Variants in APBB2 observed in about 807,000 individuals in gnomAD.
The protein encoded by APBB2 is amyloid beta precursor protein binding family B member 2.
A neutral mutation model predicts 82.5 loss-of-function variants in APBB2; 38 were observed. The observed-to-expected ratio is 0.46, with a 90% CI of 0.36 to 0.60. The LOEUF (loss-of-function observed/expected upper bound fraction) is 0.60. Ranked by LOEUF, APBB2 falls within the 20% of genes least tolerant of loss-of-function variation. The probability of loss-of-function intolerance (pLI) is 0.00; values close to 1 mark genes in which losing one functional copy is unlikely to be tolerated. For synonymous variants in APBB2, 341 were observed against 368.2 expected (o/e 0.93, Z 0.85); for missense variants, 772 against 972.3 (o/e 0.79, Z 2.74).
At chr4:41,113,971 A>G (rs1750090864) in intron 2 of APBB2, 1 of 152,328 alleles carries the variant, frequency 6.6e-6, no homozygotes, top group South Asian at 2.1e-4. Context: ...ATATACTACA[A>G]CTGGAACGAC....
chr4:40,982,293 G>GAAAGAAAGAAA (rs1798917086), intron 6 of APBB2, among the ~76,000 whole-genome samples: 1 of 32,350 alleles, frequency 3.1e-5, no homozygotes. Flanking sequence ...AAGGAAGGAA[G>GAAAGAAAGAAA]GAAGGAAGGA....
At chr4:40,971,653 G>A (rs1795952470) in intron 6 of APBB2, among the ~76,000 whole-genome samples, 1 of 150,720 alleles carries the variant, frequency 6.6e-6, no homozygotes, top group African/African-American at 2.4e-5. Context: ...TTTAGCAATA[G>A]AACTTAAGAG....
At chr4:40,982,221 G>GAAAA (rs766666523) in intron 6 of APBB2, among the ~76,000 whole-genome samples, 3,826 of 12,796 alleles carry the variant, frequency 0.3, 889 homozygotes, top group Non-Finnish European at 0.33. Flanking sequence ...AGAAAAGAAA[G>GAAAA]GAAAGAAAGA....
intron 6 of APBB2, among the ~76,000 whole-genome samples, chr4:40,963,168 G>T (rs1166213494): frequency 6.6e-6 from 1 of 152,062 alleles, no homozygotes; most frequent in Non-Finnish European, 1.5e-5. Flanking sequence ...GTTAATGATG[G>T]TCTTTCTGCT....
chr4:40,908,738 T>A (rs992391099), intron 10 of APBB2, among the ~76,000 whole-genome samples: 1 of 152,188 alleles, frequency 6.6e-6, no homozygotes, highest in African/African-American at 2.4e-5. Flanking sequence ...GCTCTACGTT[T>A]ATAGCTTTGG....
In APBB2 at chr4:40,832,008, TTA is replaced by T. The variant is rs140267757; in HGVS notation, c.1530-1433_1530-1432del. Among the ~76,000 whole-genome samples the T allele has an allele frequency of 3.4e-4, 25 of 73,624 alleles. No individual in the cohort carries two copies. Among genetic ancestry groups the T allele is most frequent in the Admixed American group, 1.0e-3 (8 of 7,704 alleles). 48.3% of individuals were successfully genotyped at this position (73,624 alleles called of 152,430 possible). A position where few individuals can be genotyped will look rare whatever the true frequency, so the allele number is the denominator to read the frequency against. ...CACACACACATATTTATATATTTAT[TTA>T]TATACACACACACACACACACACAC... On this transcript the variant is annotated intron_variant, in intron 12 of 17. Coordinates refer to ENST00000508593, the MANE Select transcript of APBB2 (RefSeq NM_004307.2). This position sits in a 1 kb window ranked among gnomAD's most constrained non-coding sequence, Gnocchi z 4.8.
At chr4:40,961,652 GAA>G (rs201763207) in intron 6 of APBB2, among the ~76,000 whole-genome samples, 1 of 42,692 alleles carries the variant, frequency 2.3e-5, no homozygotes, top group Admixed American at 2.7e-4. Context: ...AATAATGAAA[GAA>G]AAAAAAAAGA....
Position 41,183,858 on chromosome 4 carries a change from T to C in APBB2, c.-417+30547A>G, listed in dbSNP as rs572820381. 1.2e-3 allele frequency among the ~76,000 whole-genome samples: 187 copies of C among 152,230 alleles called. 5 individuals carry two copies. In the South Asian group the frequency reaches 0.036, roughly 30 times the overall value. ...GCAGGGGGTGGGAGGGGGCGGTTCA[T>C]GATGATTCAAGCGCACTACAGTTAT... is the stretch of plus-strand genomic sequence containing the variant. On this transcript the variant is annotated intron_variant, in intron 1 of 17. Coordinates refer to ENST00000508593, the MANE Select transcript of APBB2 (RefSeq NM_004307.2).
intron 5 of APBB2, among the ~76,000 whole-genome samples, chr4:41,014,742 C>T (rs1262896901): frequency 6.6e-6 from 1 of 152,176 alleles, no homozygotes; most frequent in Admixed American, 6.5e-5. Context: ...GAAAAATCAT[C>T]CCCTTTCCAA....
intron 15 of APBB2, among the ~76,000 whole-genome samples, chr4:40,824,515 T>C (rs1325928810): frequency 6.6e-6 from 1 of 152,064 alleles, no homozygotes; most frequent in Non-Finnish European, 1.5e-5. Context: ...TGAGACAGGG[T>C]GTTGCTCTGT....
At chr4:40,855,955 A>G (rs560219382) in intron 12 of APBB2, among the ~76,000 whole-genome samples, 18 of 152,332 alleles carry the variant, frequency 1.2e-4, no homozygotes, top group African/African-American at 3.8e-4. Flanking sequence ...AGGCCTCAGG[A>G]CACTTAATAA....
chr4:41,051,974 G>A (rs1726125153), intron 4 of APBB2, among the ~76,000 whole-genome samples: 1 of 152,198 alleles, frequency 6.6e-6, no homozygotes, highest in South Asian at 2.1e-4. Flanking sequence ...GAGAGTGTGT[G>A]TAAAGCACTC....
intron 6 of APBB2, among the ~76,000 whole-genome samples, chr4:40,979,827 G>C (rs1560438762): frequency 6.6e-6 from 1 of 152,180 alleles, no homozygotes; most frequent in East Asian, 1.9e-4. Context: ...CTGAGCTCTT[G>C]ATTTCAACCT....
At chr4:41,023,301 T>C (rs371462141) in intron 5 of APBB2, among the ~76,000 whole-genome samples, 10 of 152,230 alleles carry the variant, frequency 6.6e-5, no homozygotes, top group African/African-American at 1.7e-4. Flanking sequence ...AGTTGCAGAC[T>C]TCTATGATTA....
chr4:40,824,342 G>A (rs1292877703), intron 15 of APBB2, among the ~76,000 whole-genome samples: 2 of 152,248 alleles, frequency 1.3e-5, no homozygotes, highest in Non-Finnish European at 2.9e-5. Context: ...CATTGAGTAG[G>A]GCCCTTTTGC....
At chr4:40,932,247 A>G (rs1784388839) in intron 10 of APBB2, among the ~76,000 whole-genome samples, 2 of 152,252 alleles carry the variant, frequency 1.3e-5, no homozygotes, top group Admixed American at 6.5e-5. Flanking sequence ...TAGAATTTGT[A>G]AAACATCAAG....
At chr4:41,145,079 C>T (rs914363498) in intron 1 of APBB2, among the ~76,000 whole-genome samples, 1 of 152,212 alleles carries the variant, frequency 6.6e-6, no homozygotes, top group Non-Finnish European at 1.5e-5. Context: ...ATGTTCACGT[C>T]ACTATACTCC....
intron 1 of APBB2, among the ~76,000 whole-genome samples, chr4:41,143,940 G>A (rs576650123): frequency 6.6e-6 from 1 of 152,348 alleles, no homozygotes; most frequent in East Asian, 1.9e-4. Context: ...TTTAGCTAGA[G>A]GAATCAGGGC....
intron 3 of APBB2, among the ~76,000 whole-genome samples, chr4:41,096,304 G>T (rs1743433780): frequency 2.0e-5 from 3 of 152,148 alleles, no homozygotes; most frequent in Admixed American, 2.0e-4. Flanking sequence ...TGTTCTAACT[G>T]TATCAAGGTA....
Sources: gnomAD v4.1 joint callset for allele counts (sites outside exome capture counted in the v4.1 genomes callset) on GRCh38, gnomAD v4.1.1 for gene constraint, Gnocchi (gnomAD v3.1) non-coding constraint, MANE v1.5 for transcripts, NCBI Gene and HGNC (gene_info 2026-07-23, HGNC 2026-07-21) for gene names.